The following TRHDE variants were observed in gnomAD, a reference collection of about 807,000 sequenced individuals.
TRHDE encodes the protein thyrotropin releasing hormone degrading enzyme, also known as thyrotropin-releasing hormone-degrading ectoenzyme.
TRHDE carries 72 observed loss-of-function variants against 125.7 expected under a neutral mutation model. The ratio of observed to expected loss-of-function variants is 0.57; its 90% CI spans 0.47 to 0.70. The LOEUF (loss-of-function observed/expected upper bound fraction) is 0.70. Among genes scored for constraint, TRHDE ranks in the 30% least tolerant of loss-of-function variants. The probability of loss-of-function intolerance (pLI) is 0.00; values close to 1 mark genes in which losing one functional copy is unlikely to be tolerated. For missense variants in TRHDE, 1,110 were observed against 1,327.1 expected (o/e 0.84, Z 2.54); for synonymous variants, 509 against 509.1 (o/e 1.00, Z 0.00).
At chr12:72,502,419 A>G (rs1878194968) in intron 6 of TRHDE, among the ~76,000 whole-genome samples, 1 of 152,108 alleles carries the variant, frequency 6.6e-6, no homozygotes, top group Admixed American at 6.6e-5. Flanking sequence ...CTCGTGTCTT[A>G]TTCAGAGTGT....
intron 3 of TRHDE, among the ~76,000 whole-genome samples, chr12:72,435,200 A>C (rs568253033): frequency 6.6e-6 from 1 of 152,356 alleles, no homozygotes; most frequent in South Asian, 2.1e-4. Context: ...CGAATTAAAA[A>C]GAAATTCTGC....
intron 3 of TRHDE, among the ~76,000 whole-genome samples, chr12:72,447,427 A>T (rs2135864893): frequency 6.6e-6 from 1 of 152,268 alleles, no homozygotes; most frequent in African/African-American, 2.4e-5. Flanking sequence ...AAGATCTAAA[A>T]TTGACACCGA....
intron 2 of TRHDE, chr12:72,263,946 AG>A (rs1467168878): frequency 2.0e-5 from 3 of 152,026 alleles, no homozygotes; most frequent in Non-Finnish European, 4.4e-5. Context: ...GGGCAGGAGG[AG>A]TTCAGATACA....
intron 3 of TRHDE, among the ~76,000 whole-genome samples, chr12:72,444,230 A>G (rs1875164427): frequency 6.6e-6 from 1 of 151,804 alleles, no homozygotes; most frequent in Middle Eastern, 3.2e-3. Flanking sequence ...TCTTTTTTAT[A>G]AATGTAGACT....
At chr12:72,170,746 C>T (rs1385550155) in intron 2 of TRHDE, among the ~76,000 whole-genome samples, 6 of 152,084 alleles carry the variant, frequency 3.9e-5, no homozygotes, top group Non-Finnish European at 8.8e-5. Flanking sequence ...ATCTTGTGTG[C>T]ATGTAGTAGA....
intron 15 of TRHDE, among the ~76,000 whole-genome samples, chr12:72,641,479 T>G (rs1344366300): frequency 6.6e-6 from 1 of 152,224 alleles, no homozygotes; most frequent in Non-Finnish European, 1.5e-5. Flanking sequence ...TCAGTCTATT[T>G]TTACTAAGAA....
chr12:72,099,634 T>C (rs1441984538), intron 1 of TRHDE, among the ~76,000 whole-genome samples: 1 of 152,192 alleles, frequency 6.6e-6, no homozygotes, highest in East Asian at 1.9e-4. Flanking sequence ...TTAGTGATAA[T>C]TGGCAAAGAA....
chr12:72,204,822 G>C (rs10784953), intron 2 of TRHDE, among the ~76,000 whole-genome samples: 1 of 152,054 alleles, frequency 6.6e-6, no homozygotes, highest in South Asian at 2.1e-4. Flanking sequence ...AGTATTTTCA[G>C]TGTTTATGTT....
At chr12:72,659,165 A>AT (rs1377542945) in intron 18 of TRHDE, among the ~76,000 whole-genome samples, 2 of 152,206 alleles carry the variant, frequency 1.3e-5, no homozygotes, top group Non-Finnish European at 2.9e-5. Flanking sequence ...CTTTAGGTGG[A>AT]TTCAGTAAAG....
chr12:72,185,543 T>C (rs924873578), intron 2 of TRHDE, among the ~76,000 whole-genome samples: 1 of 152,236 alleles, frequency 6.6e-6, no homozygotes, highest in Admixed American at 6.5e-5. Flanking sequence ...TCTTTACGTC[T>C]AGCTCAGGGA....
intron 12 of TRHDE, among the ~76,000 whole-genome samples, chr12:72,596,599 T>C (rs764232567): frequency 2.0e-5 from 3 of 152,180 alleles, no homozygotes; most frequent in African/African-American, 4.8e-5. Flanking sequence ...GCATGGTCAG[T>C]TCTGGATAGT....
chr12:72,328,543 T>C (rs1869442743), intron 2 of TRHDE, among the ~76,000 whole-genome samples: 1 of 152,074 alleles, frequency 6.6e-6, no homozygotes, highest in Admixed American at 6.5e-5. Flanking sequence ...TGTGTCTTTA[T>C]GATTGGGGGC....
rs1466393682 is a variant in TRHDE at position 72,526,720 on chromosome 12, G to C, written c.1723-15571G>C. Among the ~76,000 whole-genome samples the C allele has an allele frequency of 2.0e-5, 3 of 152,240 alleles. No homozygotes were observed. In the East Asian group the frequency reaches 5.8e-4, roughly 29 times the overall value. On this transcript the variant is annotated intron_variant, in intron 6 of 18. Coordinates refer to ENST00000261180, the MANE Select transcript of TRHDE (RefSeq NM_013381.3). ...TATGTTTCAGCTGAATGTAGAGTGA[G>C]TGAGGTGTGTCTGCACAAGGATATC...
At chr12:72,592,256 G>T (rs1871717849) in intron 12 of TRHDE, among the ~76,000 whole-genome samples, 1 of 151,938 alleles carries the variant, frequency 6.6e-6, no homozygotes, top group South Asian at 2.1e-4. Flanking sequence ...AGTTTATCCA[G>T]TGAAACTGTA....
intron 15 of TRHDE, among the ~76,000 whole-genome samples, chr12:72,636,401 G>A (rs1430812874): frequency 6.6e-6 from 1 of 151,482 alleles, no homozygotes; most frequent in Admixed American, 6.6e-5. Flanking sequence ...AGGAGATTTT[G>A]GGCTGAGACA....
chr12:72,476,552 A>G (rs995658435), intron 5 of TRHDE, among the ~76,000 whole-genome samples: 37 of 152,204 alleles, frequency 2.4e-4, no homozygotes, highest in Non-Finnish European at 8.8e-5. Flanking sequence ...CTGTAAGTGC[A>G]TGGCTTAAGG....
intron 2 of TRHDE, among the ~76,000 whole-genome samples, chr12:72,203,733 C>T (rs1274263512): frequency 6.6e-6 from 1 of 152,102 alleles, no homozygotes; most frequent in Non-Finnish European, 1.5e-5. Flanking sequence ...TTACCATCTG[C>T]CTGTACTAGT....
At position 72,568,661 on chromosome 12, in the gene TRHDE, A is replaced by G; in HGVS notation, c.2131+5A>G. Reference sequence around the variant, plus strand: ...TTTGGGTGTCTAACAAATCAGGTAAACTATATATTCTCCCCTGAGGAAGTA... The same window carrying G: ...TTTGGGTGTCTAACAAATCAGGTAAGCTATATATTCTCCCCTGAGGAAGTA... On this transcript the variant is annotated splice_donor_5th_base_variant and intron_variant, in intron 10 of 18. Transcript: ENST00000261180. 6.3e-7 allele frequency: 1 copy of G among 1,593,240 alleles called. No homozygotes were observed. Among genetic ancestry groups the G allele is most frequent in the Non-Finnish European group, 8.6e-7 (1 of 1,162,086 alleles).
At chr12:72,417,064 T>C (rs891644499) in intron 3 of TRHDE, among the ~76,000 whole-genome samples, 1 of 152,192 alleles carries the variant, frequency 6.6e-6, no homozygotes, top group Middle Eastern at 3.4e-3. Flanking sequence ...ACCATTTTCA[T>C]TGTAGAGATC....
Sources: gnomAD v4.1 joint callset for allele counts (sites outside exome capture counted in the v4.1 genomes callset) on GRCh38, gnomAD v4.1.1 for gene constraint, MANE v1.5 for transcripts, NCBI Gene and HGNC (gene_info 2026-07-23, HGNC 2026-07-21) for gene names.